Variants in INSR observed in about 807,000 individuals in gnomAD.
INSR encodes the protein insulin receptor.
Under a neutral mutation model 142.6 loss-of-function variants are expected in INSR, and 67 were observed. The ratio of observed to expected loss-of-function variants is 0.47; its 90% confidence interval spans 0.39 to 0.58. The LOEUF is 0.58. INSR is among the 20% of genes least tolerant of loss of function. INSR has a pLI of 0.00. For missense variants in INSR, 1,248 were observed against 1,833.2 expected (o/e 0.68, Z 5.83); for synonymous variants, 756 against 743.1 (o/e 1.02, Z -0.28).
intron 2 of INSR, among the ~76,000 whole-genome samples, chr19:7,260,207 C>G (rs1441130394): frequency 6.6e-6 from 1 of 152,152 alleles, no homozygotes; most frequent in Non-Finnish European, 1.5e-5. Flanking sequence ...GAGCTGTAAT[C>G]TCAGACCCAG....
At chr19:7,191,787 C>T (rs1043517770) in intron 2 of INSR, among the ~76,000 whole-genome samples, 5 of 151,526 alleles carry the variant, frequency 3.3e-5, no homozygotes, top group South Asian at 2.1e-4. Context: ...TGTGACTGCA[C>T]CACTGCACTC....
chr19:7,195,885 G>A (rs1014820458), intron 2 of INSR, among the ~76,000 whole-genome samples: 5 of 151,256 alleles, frequency 3.3e-5, no homozygotes, highest in African/African-American at 4.9e-5. Context: ...TTTTGACAAC[G>A]GCACCAGTAC....
intron 2 of INSR, among the ~76,000 whole-genome samples, chr19:7,224,782 G>C (rs1337662296): frequency 6.6e-6 from 1 of 152,182 alleles, no homozygotes; most frequent in Non-Finnish European, 1.5e-5. Flanking sequence ...CCAATAGCAG[G>C]TGGGCTTTTG....
intron 2 of INSR, among the ~76,000 whole-genome samples, chr19:7,206,164 C>A (rs1975099435): frequency 1.4e-5 from 2 of 138,660 alleles, no homozygotes; most frequent in African/African-American, 5.2e-5. Context: ...ACCAGGGGTC[C>A]CCCACCCCTC....
At chr19:7,154,981 A>T (rs1359357357) in intron 9 of INSR, among the ~76,000 whole-genome samples, 1 of 152,160 alleles carries the variant, frequency 6.6e-6, no homozygotes, top group East Asian at 1.9e-4. Flanking sequence ...TTATAAGGTA[A>T]CCAGACAATG....
chr19:7,275,172 A>T, intron 1 of INSR, among the ~76,000 whole-genome samples: 1 of 151,872 alleles, frequency 6.6e-6, no homozygotes, highest in East Asian at 2.0e-4. Context: ...ACAAGGTTTC[A>T]CCATGTTGGC....
chr19:7,208,859 T>A (rs1049115144), intron 2 of INSR, among the ~76,000 whole-genome samples: 1 of 152,076 alleles, frequency 6.6e-6, no homozygotes, highest in African/African-American at 2.4e-5. Flanking sequence ...AAAAATTAGC[T>A]GGGCATGGTG....
Position 7,174,594 on chromosome 19 carries a change from A to G in INSR, c.1112T>C (p.Ile371Thr). 1 of 1,613,922 alleles carries G rather than the reference A, an allele frequency of 6.2e-7. No individual in the cohort carries two copies. ...ACAGAGACACTCACTGCCTCCTCGA[A>G]TGTTGATGATCAGACTCCCGTTGAT... Reference protein sequence around the residue: ...TVINGSLIINIRGGNNLAAEL... With the variant: ...TVINGSLIINTRGGNNLAAEL... The change falls in exon 4 of 22, where the codon ATT becomes ACT. Residue 371 changes from isoleucine (I) to threonine (T), a missense_variant. Transcript: ENST00000302850.
chr19:7,224,243 AT>A (rs11387492), intron 2 of INSR, among the ~76,000 whole-genome samples: 52 of 137,286 alleles, frequency 3.8e-4, no homozygotes, highest in East Asian at 1.3e-3. Context: ...CACCAGGCCA[AT>A]TTTTTTTTTT....
chr19:7,242,598 T>C (rs1398803165), intron 2 of INSR, among the ~76,000 whole-genome samples: 1 of 150,730 alleles, frequency 6.6e-6, no homozygotes, highest in Non-Finnish European at 1.5e-5. Flanking sequence ...ATTAGCCAGG[T>C]GTGGTGTGGG....
intron 2 of INSR, among the ~76,000 whole-genome samples, chr19:7,227,940 A>G (rs1337611014): frequency 3.9e-5 from 6 of 152,084 alleles, no homozygotes; most frequent in Non-Finnish European, 8.8e-5. Context: ...CACTAGGGTC[A>G]TATTTCAACA....
chr19:7,250,605 G>A lies in INSR; in HGVS notation c.652+16740C>T, dbSNP rs1337528297. The stretch of plus-strand genomic sequence containing the variant: ...GGGAGGGAAGGAAGGAAGGAGAGGA[G>A]GGAGGGAGGGAGGGCAGGGAGGAAG... On this transcript the variant is annotated intron_variant, in intron 2 of 21. Coordinates refer to ENST00000302850, the MANE Select transcript of INSR (RefSeq NM_000208.4). Among the ~76,000 whole-genome samples the A allele has an allele frequency of 2.8e-3, 414 of 147,006 alleles. 4 individuals carry two copies. Among genetic ancestry groups the A allele is most frequent in the African/African-American group, 9.6e-3 (380 of 39,710 alleles).
intron 2 of INSR, among the ~76,000 whole-genome samples, chr19:7,206,382 A>G (rs1261735603): frequency 2.6e-5 from 4 of 152,156 alleles, no homozygotes; most frequent in Non-Finnish European, 5.9e-5. Flanking sequence ...CATGTTGCCC[A>G]GTCTAGTTTC....
chr19:7,247,587 GATTTTT>G (rs753928851), intron 2 of INSR, among the ~76,000 whole-genome samples: 2 of 152,290 alleles, frequency 1.3e-5, no homozygotes, highest in Non-Finnish European at 2.9e-5. Flanking sequence ...AGAGGAACTG[GATTTTT>G]ATTTTTATCG....
chr19:7,252,216 T>G (rs969513937), intron 2 of INSR, among the ~76,000 whole-genome samples: 1 of 151,940 alleles, frequency 6.6e-6, no homozygotes, highest in Non-Finnish European at 1.5e-5. Flanking sequence ...TCAAGACCAT[T>G]CTGGCCAACA....
intron 2 of INSR, among the ~76,000 whole-genome samples, chr19:7,237,913 G>A (rs941765357): frequency 5.9e-5 from 9 of 152,026 alleles, no homozygotes; most frequent in African/African-American, 1.7e-4. Flanking sequence ...ATAGCAATGT[G>A]AGAATGAACT....
At chr19:7,175,393 A>G (rs938828733) in intron 3 of INSR, among the ~76,000 whole-genome samples, 1 of 151,966 alleles carries the variant, frequency 6.6e-6, no homozygotes, top group African/African-American at 2.4e-5. Context: ...AGGTCTTCTG[A>G]CCTCAGCATT....
rs1337417405 is a variant in INSR, at chr19:7,159,567, G to A, written c.2029+3465C>T. On this transcript the variant is annotated intron_variant, in intron 9 of 21. Transcript: ENST00000302850. The surrounding 1 kb of genome is among the most constrained non-coding windows in gnomAD (Gnocchi z 4.3). ...AAGGAAGCTTCGAGTGACATTACTG[G>A]TGGCAGCTCTCACGGGTGGTTCTGG... 6.6e-6 allele frequency: 1 copy of A among 152,000 alleles called. No homozygotes were observed. Among genetic ancestry groups the A allele is most frequent in the East Asian group, 1.9e-4 (1 of 5,188 alleles). 9.4% of individuals were successfully genotyped at this position (152,000 alleles called of 1,614,324 possible).
intron 1 of INSR, among the ~76,000 whole-genome samples, chr19:7,280,688 G>A (rs1600127268): frequency 6.6e-6 from 1 of 151,530 alleles, no homozygotes. Context: ...TTGCACTCCA[G>A]CCTGGGCAAC....
Sources: allele counts gnomAD v4.1 joint callset (sites outside exome capture counted in the v4.1 genomes callset), GRCh38; gene constraint gnomAD v4.1.1; non-coding constraint Gnocchi (gnomAD v3.1); transcripts MANE v1.5; gene names NCBI Gene and HGNC (gene_info 2026-07-23, HGNC 2026-07-21).